The following KIAA0825 variants were observed in gnomAD, a reference collection of about 807,000 sequenced individuals.
KIAA0825 encodes the protein uncharacterized protein KIAA0825.
Under a neutral mutation model 147.6 loss-of-function variants are expected in KIAA0825, and 119 were observed. The ratio of observed to expected loss-of-function variants is 0.81; its 90% CI spans 0.69 to 0.94. The LOEUF (loss-of-function observed/expected upper bound fraction) is 0.94, where lower values mean the gene tolerates loss of function less well. Ranked by LOEUF, KIAA0825 falls within the 40% of genes least tolerant of loss-of-function variation. The probability of loss-of-function intolerance (pLI) is 0.00; values close to 1 mark genes in which losing one functional copy is unlikely to be tolerated. For synonymous variants in KIAA0825, 470 were observed against 518.1 expected, an observed-to-expected ratio of 0.91 and a Z score of 1.26; for missense variants, 1,381 against 1,472.7, an observed-to-expected ratio of 0.94 and a Z score of 1.02.
chr5:94,368,374 T>A (rs1005895238), intron 20 of KIAA0825, among the ~76,000 whole-genome samples: 2 of 152,192 alleles, frequency 1.3e-5, no homozygotes, highest in African/African-American at 4.8e-5. Flanking sequence ...GGTTTCTGCA[T>A]GTTGCCCAGG....
chr5:94,322,477 TATA>T (rs1212547265), intron 20 of KIAA0825, among the ~76,000 whole-genome samples: 1 of 151,956 alleles, frequency 6.6e-6, no homozygotes, highest in African/African-American at 2.4e-5. Context: ...TTAAAATCAC[TATA>T]AACATCCTAT....
chr5:94,417,899 A>T (rs550240112), intron 14 of KIAA0825, among the ~76,000 whole-genome samples: 2 of 152,170 alleles, frequency 1.3e-5, no homozygotes, highest in East Asian at 3.9e-4. Context: ...AGTTTTATCA[A>T]TTGGTTCCTC....
At chr5:94,451,255 T>C (rs1002499850) in intron 13 of KIAA0825, among the ~76,000 whole-genome samples, 3 of 152,190 alleles carry the variant, frequency 2.0e-5, no homozygotes, top group Non-Finnish European at 4.4e-5. Context: ...TAGTCTATTA[T>C]GCCACTATTC....
intron 20 of KIAA0825, among the ~76,000 whole-genome samples, chr5:94,343,643 G>A (rs566420498): frequency 2.0e-5 from 3 of 152,186 alleles, no homozygotes; most frequent in African/African-American, 7.2e-5. Flanking sequence ...GAGCCGAGAT[G>A]GTGCCACTGC....
chr5:94,270,366 G>A (rs1173750194), intron 20 of KIAA0825, among the ~76,000 whole-genome samples: 1 of 152,102 alleles, frequency 6.6e-6, no homozygotes, highest in Non-Finnish European at 1.5e-5. Flanking sequence ...TTCAATAAAT[G>A]TTACTGGGAA....
intron 20 of KIAA0825, among the ~76,000 whole-genome samples, chr5:94,284,102 A>G (rs1369804133): frequency 6.6e-6 from 1 of 152,188 alleles, no homozygotes; most frequent in Non-Finnish European, 1.5e-5. Context: ...TAAAAAATGT[A>G]TATAAAAATT....
chr5:94,286,945 G>T (rs1258875358), intron 20 of KIAA0825, among the ~76,000 whole-genome samples: 2 of 151,946 alleles, frequency 1.3e-5, no homozygotes, highest in Non-Finnish European at 2.9e-5. Flanking sequence ...CACCTCCCTG[G>T]GCTCGTCTTA....
At chr5:94,578,100 G>A (rs1781398435) in intron 2 of KIAA0825, among the ~76,000 whole-genome samples, 1 of 152,190 alleles carries the variant, frequency 6.6e-6, no homozygotes, top group African/African-American at 2.4e-5. Flanking sequence ...ATCCCTTTAT[G>A]TGGTGAGCTC....
chr5:94,163,329 G>A (rs1363996122), intron 20 of KIAA0825, among the ~76,000 whole-genome samples: 2 of 152,116 alleles, frequency 1.3e-5, no homozygotes, highest in African/African-American at 4.8e-5. Flanking sequence ...AATTTCTGGT[G>A]ATGTGACACC....
At chr5:94,216,212 T>C (rs764036873) in intron 20 of KIAA0825, among the ~76,000 whole-genome samples, 8 of 152,164 alleles carry the variant, frequency 5.3e-5, no homozygotes, top group Non-Finnish European at 1.2e-4. Flanking sequence ...TAAGTAAGTA[T>C]TGGTTCTCTC....
chr5:94,383,990 C>T (rs2150523830), intron 20 of KIAA0825, among the ~76,000 whole-genome samples: 1 of 152,158 alleles, frequency 6.6e-6, no homozygotes, highest in South Asian at 2.1e-4. Flanking sequence ...TTGTTGTAAA[C>T]AAAGGTGTAG....
chr5:94,452,871 G>A, intron 13 of KIAA0825, 88 bp downstream of exon 13: 3 of 644,864 alleles, frequency 4.7e-6, no homozygotes, highest in Non-Finnish European at 7.4e-6. Flanking sequence ...TAAGATATAA[G>A]TTCGTTTACA....
chr5:94,286,765 G>C (rs1266636495), intron 20 of KIAA0825, among the ~76,000 whole-genome samples: 2 of 152,068 alleles, frequency 1.3e-5, no homozygotes, highest in East Asian at 3.9e-4. Flanking sequence ...CACCCAGGCT[G>C]GTAACAGAAG....
intron 3 of KIAA0825, among the ~76,000 whole-genome samples, chr5:94,531,097 T>C (rs1770708914): frequency 6.6e-6 from 1 of 152,106 alleles, no homozygotes; most frequent in Non-Finnish European, 1.5e-5. Flanking sequence ...TAGGTGAAGC[T>C]AACACATTTA....
chr5:94,386,532 G>A, intron 18 of KIAA0825, 128 bp from the exon 19 acceptor site: 1 of 710,860 alleles, frequency 1.4e-6, no homozygotes, highest in South Asian at 2.0e-5. Context: ...CTTGCCTCAG[G>A]GAAGAATATA....
intron 10 of KIAA0825, among the ~76,000 whole-genome samples, chr5:94,465,270 C>T (rs1361434280): frequency 6.6e-6 from 1 of 152,200 alleles, no homozygotes; most frequent in Non-Finnish European, 1.5e-5. Flanking sequence ...TAGTGCAAAT[C>T]CAGATCACAA....
At chr5:94,434,322 A>C (rs960247992) in intron 14 of KIAA0825, among the ~76,000 whole-genome samples, 1 of 152,256 alleles carries the variant, frequency 6.6e-6, no homozygotes, top group African/African-American at 2.4e-5. Context: ...TTTGCAGCCT[A>C]TGAAGCATAA....
intron 12 of KIAA0825, among the ~76,000 whole-genome samples, chr5:94,453,667 T>C (rs1338035133): frequency 6.6e-6 from 1 of 152,104 alleles, no homozygotes; most frequent in Admixed American, 6.6e-5. Context: ...ATCTTTACAC[T>C]TGGGGAAGGT....
chr5:94,551,369 TC>T (rs985459971), intron 2 of KIAA0825, among the ~76,000 whole-genome samples: 1 of 151,956 alleles, frequency 6.6e-6, no homozygotes, highest in Non-Finnish European at 1.5e-5. Flanking sequence ...AGCTCAAATA[TC>T]CCCAAAAAGT....
Sources: allele counts gnomAD v4.1 joint callset (sites outside exome capture counted in the v4.1 genomes callset), GRCh38; gene constraint gnomAD v4.1.1; transcripts MANE v1.5; gene names NCBI Gene and HGNC (gene_info 2026-07-23, HGNC 2026-07-21).